Variants in CHIA observed in about 807,000 individuals in gnomAD.
CHIA encodes the protein acidic mammalian chitinase.
A neutral mutation model predicts 53.5 loss-of-function variants in CHIA; 47 were observed. The observed-to-expected ratio is 0.88, with a 90% confidence interval of 0.70 to 1.12. The LOEUF (loss-of-function observed/expected upper bound fraction) is 1.12, where lower values mean the gene tolerates loss of function less well. Among genes scored for constraint, CHIA ranks in the 50% most tolerant of loss-of-function variants. The probability of loss-of-function intolerance (pLI) is 0.00; values close to 1 mark genes in which losing one functional copy is unlikely to be tolerated. For synonymous variants in CHIA, 268 were observed against 222.2 expected, an observed-to-expected ratio of 1.21 and a Z score of -1.83; for missense variants, 652 against 592.2, an observed-to-expected ratio of 1.10 and a Z score of -1.05.
At chr1:111,314,652 C>T (rs1321029879) in intron 5 of CHIA, 56 bp downstream of exon 5, 3 of 1,254,532 alleles carry the variant, frequency 2.4e-6, no homozygotes, top group Non-Finnish European at 3.5e-6. Flanking sequence ...AAGTTAGCCC[C>T]ATGTGATCAC....
intron 1 of CHIA, among the ~76,000 whole-genome samples, chr1:111,303,494 T>A (rs1476743132): frequency 6.6e-6 from 1 of 151,962 alleles, no homozygotes; most frequent in Non-Finnish European, 1.5e-5. Flanking sequence ...CACACACATA[T>A]GAATACACAC....
At position 111,319,482 on chromosome 1, in the gene CHIA, G is replaced by A; in HGVS notation, c.1177+14G>A. The stretch of plus-strand genomic sequence containing the variant: ...TGCAGAGTGCAAGTAAGTGACTGAG[G>A]GGGAATGCCCAGGTGTATAAATACC... On this transcript the variant is annotated intron_variant, in intron 11 of 11. Transcript: ENST00000369740. 1.2e-6 allele frequency: 2 copies of A among 1,612,772 alleles called. No individual in the cohort carries two copies. Among genetic ancestry groups the A allele is most frequent in the Non-Finnish European group, 1.7e-6 (2 of 1,179,626 alleles).
intron 1 of CHIA, among the ~76,000 whole-genome samples, chr1:111,303,204 C>T (rs1647899319): frequency 6.6e-6 from 1 of 151,986 alleles, no homozygotes; most frequent in Non-Finnish European, 1.5e-5. Context: ...TTAATTGATT[C>T]TGCCAATCTC....
intron 1 of CHIA, among the ~76,000 whole-genome samples, chr1:111,308,611 C>T (rs56292601): frequency 0.11 from 16,228 of 152,092 alleles, 1,083 homozygotes; most frequent in Non-Finnish European, 0.15. Flanking sequence ...GTGACCAGTC[C>T]TTGTGAAAAT....
intron 1 of CHIA, among the ~76,000 whole-genome samples, chr1:111,297,432 A>C (rs557416698): frequency 9.8e-5 from 15 of 152,322 alleles, no homozygotes; most frequent in African/African-American, 2.2e-4. Flanking sequence ...AACATTCTTA[A>C]ATAAAAGAAT....
intron 5 of CHIA, chr1:111,315,058 T>A (rs1649039236): frequency 2.0e-6 from 1 of 501,862 alleles, no homozygotes; most frequent in Non-Finnish European, 3.5e-6. Flanking sequence ...AAGAGCAGAG[T>A]TGGGGGGATA....
intron 1 of CHIA, among the ~76,000 whole-genome samples, chr1:111,300,504 G>A (rs945193630): frequency 1.3e-5 from 2 of 152,152 alleles, no homozygotes; most frequent in African/African-American, 4.8e-5. Flanking sequence ...TTTAAAAAAT[G>A]GTGCTGGGAT....
chr1:111,308,732 G>A (rs527868660), intron 1 of CHIA, among the ~76,000 whole-genome samples: 7 of 152,214 alleles, frequency 4.6e-5, no homozygotes, highest in African/African-American at 1.7e-4. Flanking sequence ...AATAAAATTG[G>A]AGTTTATTTC....
rs754393219 is a variant in CHIA, at chr1:111,320,306, C to T, written c.1271C>T (p.Ser424Leu). 3.1e-6 allele frequency: 5 copies of T among 1,613,910 alleles called. No homozygotes were observed. Among genetic ancestry groups the T allele is most frequent in the Admixed American group, 1.7e-5 (1 of 60,010 alleles). Residue 424 changes from serine (S) to leucine (L), a missense_variant, in exon 12 of 12, where the codon TCG becomes TTG. Physicochemically the swap from Ser to Leu is moderately radical, Grantham distance 145. Transcript: ENST00000369740. The stretch of plus-strand genomic sequence containing the variant: ...GGGAGTAGCAGCTCTGGAGGCAGCT[C>T]GGGAGGCAGTGGATTCTGTGCTGTC... ...GSGSSSSGGS[S>L]GGSGFCAVRA...
At chr1:111,293,523 C>T (rs1389728798) in intron 1 of CHIA, among the ~76,000 whole-genome samples, 1 of 152,100 alleles carries the variant, frequency 6.6e-6, no homozygotes, top group Non-Finnish European at 1.5e-5. Flanking sequence ...ATATTTTCTA[C>T]CATTCCGTGA....
intron 11 of CHIA, 84 bp downstream of exon 11, chr1:111,319,552 C>G: frequency 7.5e-7 from 1 of 1,330,734 alleles, no homozygotes; most frequent in African/African-American, 1.5e-5. Flanking sequence ...CCCACCTCCC[C>G]CTTGCCCAGG....
At chr1:111,298,654 A>G (rs1025125348) in intron 1 of CHIA, among the ~76,000 whole-genome samples, 2 of 152,200 alleles carry the variant, frequency 1.3e-5, no homozygotes, top group African/African-American at 2.4e-5. Flanking sequence ...TAAAATCAAC[A>G]CCCTAACATC....
rs762224122 is a variant in CHIA, at chr1:111,317,947, G to T, written c.606-39G>T. On this transcript the variant is annotated intron_variant, in intron 7 of 11. Coordinates refer to ENST00000369740, the MANE Select transcript of CHIA (RefSeq NM_201653.4). ...CTGTGCCTGCATAGGTGTGGGAAAT[G>T]ACCATCAGAATGATTTTAAATCCTC... 2.5e-6 allele frequency: 4 copies of T among 1,613,478 alleles called. No homozygotes were observed. The African/African-American group carries it at 4.0e-5, about 16-fold the overall frequency.
In CHIA at chr1:111,318,682, T is replaced by G. The variant is rs769409428; in HGVS notation, c.915+4T>G. On this transcript the variant is annotated splice_donor_region_variant and intron_variant, in intron 9 of 11. Transcript: ENST00000369740. ...TGGGATCTGGGCTTACTACGAGGTA[T>G]GTAGATTGGACTGAAAAGTGCTCTG... 1.9e-6 allele frequency: 3 copies of G among 1,611,248 alleles called. No individual in the cohort carries two copies. Among genetic ancestry groups the G allele is most frequent in the Non-Finnish European group, 2.5e-6 (3 of 1,178,500 alleles).
At chr1:111,292,085 G>A (rs1661059332) in intron 1 of CHIA, among the ~76,000 whole-genome samples, 1 of 152,182 alleles carries the variant, frequency 6.6e-6, no homozygotes, top group Admixed American at 6.5e-5. Context: ...TGTTTTGTGT[G>A]CAAACTCCCC....
chr1:111,315,582 A>G lies in CHIA; in HGVS notation c.480+147A>G, dbSNP rs1398784478. 5 of 796,338 alleles carry G rather than the reference A, an allele frequency of 6.3e-6. No individual in the cohort carries two copies. In the Admixed American group the frequency reaches 1.4e-4, roughly 23 times the overall value. The allele number at this position is 796,338 out of a possible 1,614,324, so 49.3% of individuals were successfully genotyped here. A position where few individuals can be genotyped will look rare whatever the true frequency, so the allele number is the denominator to read the frequency against. On this transcript the variant is annotated intron_variant, in intron 6 of 11. Transcript: ENST00000369740. ...AAAGAGTCTTATATATCGTGCGTTC[A>G]TTAAACAAACATTTAATGGCAACAA...
intron 5 of CHIA, chr1:111,315,055 G>A: frequency 2.0e-6 from 1 of 505,032 alleles, no homozygotes; most frequent in Non-Finnish European, 3.5e-6. Flanking sequence ...AGAAAGAGCA[G>A]AGTTGGGGGG....
At chr1:111,316,605 AAAG>A (rs979235254) in intron 6 of CHIA, 18 of 151,530 alleles carry the variant, frequency 1.2e-4, no homozygotes, top group African/African-American at 4.4e-4. Context: ...TGTAGATTTG[AAAG>A]AAGAAGAATT....
At chr1:111,317,880 G>A (rs139064640) in intron 7 of CHIA, 75 bp downstream of exon 7, 2 of 1,610,370 alleles carry the variant, frequency 1.2e-6, no homozygotes, top group African/African-American at 2.7e-5. Flanking sequence ...GGTCTGGCTT[G>A]CTATTCAGGG....
Sources: gnomAD v4.1 joint callset for allele counts (sites outside exome capture counted in the v4.1 genomes callset) on GRCh38, gnomAD v4.1.1 for gene constraint, MANE v1.5 for transcripts, NCBI Gene and HGNC (gene_info 2026-07-23, HGNC 2026-07-21) for gene names.